The following SHANK2 variants were observed in gnomAD, a reference collection of about 807,000 sequenced individuals.
SHANK2 encodes SH3 and multiple ankyrin repeat domains protein 2.
A neutral mutation model predicts 133.7 loss-of-function variants in SHANK2; 43 were observed. That is an observed-to-expected ratio of 0.32 (90% confidence interval 0.25 to 0.41). The LOEUF is 0.41. SHANK2 is among the 10% of genes least tolerant of loss of function. The pLI is 1.00. For missense variants in SHANK2, 1,994 were observed against 2,235.8 expected (o/e 0.89, Z 2.18); for synonymous variants, 1,017 against 952.8 (o/e 1.07, Z -1.24).
At chr11:71,238,862 A>T (rs1404072638) in intron 1 of SHANK2, among the ~76,000 whole-genome samples, 2 of 152,214 alleles carry the variant, frequency 1.3e-5, no homozygotes, top group Non-Finnish European at 2.9e-5. Context: ...AGCTGTCCAG[A>T]CACACAGTCA....
intron 15 of SHANK2, among the ~76,000 whole-genome samples, chr11:70,673,486 G>A (rs1167529814): frequency 6.6e-6 from 1 of 152,222 alleles, no homozygotes; most frequent in African/African-American, 2.4e-5. Flanking sequence ...GGGTCTCCTT[G>A]TGAGGCAAGT....
At chr11:70,925,848 G>T (rs554322283) in intron 10 of SHANK2, among the ~76,000 whole-genome samples, 1 of 152,168 alleles carries the variant, frequency 6.6e-6, no homozygotes, top group African/African-American at 2.4e-5. Context: ...CTGAGCTGTT[G>T]CTCCTAGGAG....
chr11:70,489,191 T>G, intron 24 of SHANK2, 137 bp downstream of exon 24: 1 of 843,518 alleles, frequency 1.2e-6, no homozygotes, highest in Non-Finnish European at 2.0e-6. Flanking sequence ...TCGTTCAAAG[T>G]GTTCTCCATT....
At chr11:70,858,337 T>C (rs782768803) in intron 11 of SHANK2, among the ~76,000 whole-genome samples, 4 of 152,204 alleles carry the variant, frequency 2.6e-5, no homozygotes, top group Non-Finnish European at 4.4e-5. Context: ...CCATGTCAGG[T>C]AGGCAGGGTG....
At chr11:71,193,741 C>T (rs1399753981) in intron 2 of SHANK2, among the ~76,000 whole-genome samples, 3 of 152,190 alleles carry the variant, frequency 2.0e-5, no homozygotes, top group Admixed American at 1.3e-4. Flanking sequence ...GTCCCACGCC[C>T]CCGGAGGCCA....
chr11:70,915,562 G>A (rs145454735), intron 10 of SHANK2, among the ~76,000 whole-genome samples: 27 of 152,244 alleles, frequency 1.8e-4, no homozygotes, highest in East Asian at 7.7e-4. Context: ...AGGTCTGGCC[G>A]CCGAGCCCAC....
chr11:70,508,199 G>T (rs1279153723), intron 17 of SHANK2, among the ~76,000 whole-genome samples: 1 of 152,214 alleles, frequency 6.6e-6, no homozygotes, highest in Non-Finnish European at 1.5e-5. Flanking sequence ...CAGGGCTCAT[G>T]GGGGTGGATG....
chr11:70,486,376 G>A lies in SHANK2; in HGVS notation c.3917C>T (p.Ser1306Phe), dbSNP rs1209297711. The change falls in exon 25 of 26, where the codon TCC becomes TTC. Residue 1306 changes from serine (S) to phenylalanine (F), a missense_variant. This residue lies in a region of SHANK2 where 797 missense variants were observed against 907.4 expected (regional missense o/e 0.88). Transcript: ENST00000601538. This position sits in a 1 kb window ranked among gnomAD's most constrained non-coding sequence, Gnocchi z 8.0. Reference protein sequence around the residue: ...KNMLIDIMDTSQQKSAGLLMV... With the variant: ...KNMLIDIMDTFQQKSAGLLMV... ...CAGCAGGCCAGCCGACTTCTGCTGGGACGTGTCCATGATGTCGATCAGCAT... is the reference window on the plus strand; with the variant it reads ...CAGCAGGCCAGCCGACTTCTGCTGGAACGTGTCCATGATGTCGATCAGCAT... 8.7e-6 allele frequency: 14 copies of A among 1,613,818 alleles called. No homozygotes were observed. Among genetic ancestry groups the A allele is most frequent in the Non-Finnish European group, 1.2e-5 (14 of 1,180,022 alleles).
At chr11:70,885,167 C>T (rs896740994) in intron 11 of SHANK2, among the ~76,000 whole-genome samples, 2 of 149,816 alleles carry the variant, frequency 1.3e-5, no homozygotes, top group Non-Finnish European at 3.0e-5. Context: ...AGTCATCTCC[C>T]GTAAGTGCCC....
In SHANK2 at chr11:71,075,176, A is replaced by G; in HGVS notation, c.1012T>C (p.Cys338Arg). The G allele has an allele frequency of 4.3e-6, 1 of 235,268 alleles. No individual in the cohort carries two copies. Among genetic ancestry groups the G allele is most frequent in the South Asian group, 8.6e-5 (1 of 11,662 alleles). The allele number at this position is 235,268 out of a possible 1,614,324, so 14.6% of individuals were successfully genotyped here. The change falls in exon 9 of 26, where the codon TGC becomes CGC. Residue 338 changes from cysteine to arginine, a missense_variant. By Grantham distance (180) the Cys-to-Arg change is radical. Coordinates refer to ENST00000601538, the MANE Select transcript of SHANK2 (RefSeq NM_012309.5). The part of the protein sequence containing the change: ...NASGNTALHI[C>R]ALYNQDSCAR... ...GCACTCACCTGGTTGTAGAGGGCGC[A>G]GATGTGCAAGGCCGTGTTCCCCGAG... is the stretch of plus-strand genomic sequence containing the variant.
intron 3 of SHANK2, among the ~76,000 whole-genome samples, chr11:71,143,921 A>T (rs2135392147): frequency 6.6e-6 from 1 of 152,234 alleles, no homozygotes; most frequent in Middle Eastern, 3.4e-3. Flanking sequence ...TACCACCGAT[A>T]ACGAGCATCG....
chr11:70,718,047 T>C (rs941909510), intron 14 of SHANK2, among the ~76,000 whole-genome samples: 1 of 152,150 alleles, frequency 6.6e-6, no homozygotes, highest in African/African-American at 2.4e-5. Flanking sequence ...GGACTTTTTT[T>C]TCCCCTAGTG....
chr11:70,758,743 T>G (rs1555039520), intron 14 of SHANK2, among the ~76,000 whole-genome samples: 6 of 152,204 alleles, frequency 3.9e-5, no homozygotes. Flanking sequence ...CTGGCACCCC[T>G]CAGCAGTCCC....
Position 70,595,068 on chromosome 11 carries a change from G to A in SHANK2, c.2061+64760C>T, listed in dbSNP as rs2060379675. Among the ~76,000 whole-genome samples the A allele has an allele frequency of 2.0e-5, 3 of 152,312 alleles. No individual in the cohort carries two copies. The South Asian group carries it at 6.2e-4, about 32-fold the overall frequency. ...GGCCTCATTCTTCCTCATTCCCCAA[G>A]GTGGTTTCTGCAGCCTGCAGGGCCC... On this transcript the variant is annotated intron_variant, in intron 17 of 25. Transcript: ENST00000601538.
At position 70,907,608 on chromosome 11, in the gene SHANK2, A is replaced by G. The variant is rs560289946; in HGVS notation, c.1108-11041T>C. On this transcript the variant is annotated intron_variant, in intron 10 of 25. Transcript: ENST00000601538. The stretch of plus-strand genomic sequence containing the variant: ...CATTCAGTATCACCAAATTGAATGC[A>G]GAGATCCATATATTAAGGAGATGAT... 8.2e-5 allele frequency: 14 copies of G among 170,446 alleles called. No individual in the cohort carries two copies. In the South Asian group the frequency reaches 1.7e-3, roughly 21 times the overall value. The allele number at this position is 170,446 out of a possible 1,614,324, so 10.6% of individuals were successfully genotyped here.
chr11:70,536,266 G>A (rs1474823056), intron 17 of SHANK2, among the ~76,000 whole-genome samples: 6 of 152,232 alleles, frequency 3.9e-5, no homozygotes, highest in East Asian at 1.9e-4. Flanking sequence ...TGTAAGTGGC[G>A]GGGTGTGGCG....
At chr11:70,785,621 T>C (rs782550843) in intron 14 of SHANK2, among the ~76,000 whole-genome samples, 1 of 152,184 alleles carries the variant, frequency 6.6e-6, no homozygotes, top group Non-Finnish European at 1.5e-5. Context: ...GGGCAGGGCC[T>C]GTCAGTGGGG....
chr11:71,109,918 G>T, intron 6 of SHANK2, 23 bp downstream of exon 6: 2 of 1,447,414 alleles, frequency 1.4e-6, no homozygotes, highest in East Asian at 2.5e-5. Flanking sequence ...AGCCTGGTAA[G>T]GTCCCCTCTA....
In SHANK2 at chr11:70,739,397, G is replaced by A. The variant is rs564409426; in HGVS notation, c.1778-40634C>T. ...GACAATCGTGTGGAGCAGCTGCTGCGGTGAGGCCAGGCACAGACTCCAGCC... is the reference window on the plus strand; with the variant it reads ...GACAATCGTGTGGAGCAGCTGCTGCAGTGAGGCCAGGCACAGACTCCAGCC... On this transcript the variant is annotated intron_variant, in intron 14 of 25. Coordinates refer to ENST00000601538, the MANE Select transcript of SHANK2 (RefSeq NM_012309.5). This position sits in a 1 kb window ranked among gnomAD's most constrained non-coding sequence, Gnocchi z 4.3. 1.2e-4 allele frequency among the ~76,000 whole-genome samples: 18 copies of A among 152,296 alleles called. No individual in the cohort carries two copies. Among genetic ancestry groups the A allele is most frequent in the Admixed American group, 3.9e-4 (6 of 15,304 alleles).
Sources: allele counts gnomAD v4.1 joint callset (sites outside exome capture counted in the v4.1 genomes callset), GRCh38; gene constraint gnomAD v4.1.1; regional missense constraint gnomAD v4.1.1; non-coding constraint Gnocchi (gnomAD v3.1); transcripts MANE v1.5; gene names NCBI Gene and HGNC (gene_info 2026-07-23, HGNC 2026-07-21).